The following SNTG1 variants were observed in gnomAD, a reference collection of about 807,000 sequenced individuals.
SNTG1 encodes the protein gamma-1-syntrophin.
A neutral mutation model predicts 74.7 loss-of-function variants in SNTG1; 39 were observed. The observed-to-expected ratio is 0.52, with a 90% CI of 0.40 to 0.68. SNTG1 has a LOEUF of 0.68. Ranked by LOEUF, SNTG1 falls within the 30% of genes least tolerant of loss-of-function variation. The pLI is 0.00. For synonymous variants in SNTG1, 254 were observed against 217.1 expected, an observed-to-expected ratio of 1.17 and a Z score of -1.49; for missense variants, 685 against 609.5, an observed-to-expected ratio of 1.12 and a Z score of -1.30.
chr8:50,660,452 AAGGG>A (rs2095216502), intron 15 of SNTG1, among the ~76,000 whole-genome samples: 3 of 148,602 alleles, frequency 2.0e-5, no homozygotes, highest in Admixed American at 6.7e-5. Context: ...AGAAAAAAGA[AAGGG>A]AGGAAGGGCA....
intron 17 of SNTG1, 80 bp from the exon 18 acceptor site, chr8:50,751,921 C>A: frequency 1.3e-6 from 1 of 792,834 alleles, no homozygotes; most frequent in Non-Finnish European, 2.0e-6. Flanking sequence ...TAACTTTTAC[C>A]ATTTAAAAAA....
At chr8:50,082,889 G>A (rs1822537815) in intron 1 of SNTG1, among the ~76,000 whole-genome samples, 1 of 152,090 alleles carries the variant, frequency 6.6e-6, no homozygotes, top group African/African-American at 2.4e-5. Context: ...TACATCCCGT[G>A]CTACTCCTAC....
At chr8:50,393,212 C>T (rs1408014991) in intron 2 of SNTG1, among the ~76,000 whole-genome samples, 4 of 152,106 alleles carry the variant, frequency 2.6e-5, no homozygotes, top group African/African-American at 7.2e-5. Context: ...TGGCTAATCT[C>T]TTTCTTTCAA....
intron 2 of SNTG1, among the ~76,000 whole-genome samples, chr8:50,341,755 G>A (rs532921181): frequency 3.3e-5 from 5 of 152,116 alleles, no homozygotes; most frequent in African/African-American, 1.2e-4. Flanking sequence ...GTTTGTAGGT[G>A]ACAGTAGTCA....
chr8:50,216,652 G>A (rs569030701), intron 2 of SNTG1, among the ~76,000 whole-genome samples: 43 of 152,184 alleles, frequency 2.8e-4, no homozygotes, highest in Middle Eastern at 3.4e-3. Context: ...CTAGAATATG[G>A]TAATTACAAC....
chr8:50,147,260 C>T (rs980881239), intron 1 of SNTG1, among the ~76,000 whole-genome samples: 9 of 151,952 alleles, frequency 5.9e-5, no homozygotes, highest in East Asian at 1.9e-4. Flanking sequence ...CAGAATGGAA[C>T]GCAGACTGTG....
At chr8:50,733,083 C>T (rs2095516892) in intron 17 of SNTG1, among the ~76,000 whole-genome samples, 1 of 151,758 alleles carries the variant, frequency 6.6e-6, no homozygotes, top group Non-Finnish European at 1.5e-5. Context: ...CAGACAACCC[C>T]CTCCCTACCC....
chr8:50,149,073 T>G (rs1339679233), intron 1 of SNTG1, among the ~76,000 whole-genome samples: 2 of 152,192 alleles, frequency 1.3e-5, no homozygotes, highest in Admixed American at 6.5e-5. Context: ...GTTTCCTGAC[T>G]CTTTATGATC....
At chr8:50,530,483 T>C (rs1034472066) in intron 10 of SNTG1, among the ~76,000 whole-genome samples, 2 of 152,216 alleles carry the variant, frequency 1.3e-5, no homozygotes, top group African/African-American at 4.8e-5. Context: ...CAATAGATAC[T>C]ATTAACTTGG....
chr8:50,706,406 G>C (rs2095443510), intron 16 of SNTG1, among the ~76,000 whole-genome samples: 1 of 152,040 alleles, frequency 6.6e-6, no homozygotes, highest in Non-Finnish European at 1.5e-5. Context: ...TATATTTTTA[G>C]GTTTCTAAAA....
chr8:50,036,021 A>T (rs2130785278), intron 1 of SNTG1, among the ~76,000 whole-genome samples: 1 of 152,318 alleles, frequency 6.6e-6, no homozygotes, highest in African/African-American at 2.4e-5. Flanking sequence ...AAATTAAAAA[A>T]AAATTGGTCT....
At chr8:50,748,867 C>T (rs1156485788) in intron 17 of SNTG1, among the ~76,000 whole-genome samples, 1 of 152,104 alleles carries the variant, frequency 6.6e-6, no homozygotes, top group East Asian at 2.0e-4. Context: ...TCCCACCTCT[C>T]TCCCTGTACT....
rs1168266543 is a variant in SNTG1, at chr8:50,678,908, A to G, written c.1038+20245A>G. Among the ~76,000 whole-genome samples the G allele has an allele frequency of 2.6e-5, 4 of 152,258 alleles. No individual in the cohort carries two copies. In the South Asian group the frequency reaches 8.3e-4, roughly 32 times the overall value. ...TGTTTTCTTTTCCAAGGATATATCT[A>G]AAGATATAGATAAATAAACACATAC... On this transcript the variant is annotated intron_variant, in intron 15 of 18. Coordinates refer to ENST00000642720, the MANE Select transcript of SNTG1 (RefSeq NM_018967.5).
chr8:50,774,331 G>C (rs997860191), intron 18 of SNTG1, among the ~76,000 whole-genome samples: 1 of 151,668 alleles, frequency 6.6e-6, no homozygotes, highest in African/African-American at 2.4e-5. Flanking sequence ...CCAGCAAAAG[G>C]CCAGAGAATC....
chr8:50,287,514 T>G (rs2088851417), intron 2 of SNTG1, among the ~76,000 whole-genome samples: 1 of 137,394 alleles, frequency 7.3e-6, no homozygotes, highest in Non-Finnish European at 1.7e-5. Context: ...AAAGGTGCCC[T>G]GGGGTCAAGC....
intron 1 of SNTG1, among the ~76,000 whole-genome samples, chr8:50,083,276 AT>A (rs1822578273): frequency 6.6e-6 from 1 of 152,144 alleles, no homozygotes; most frequent in African/African-American, 2.4e-5. Flanking sequence ...TTTGCAGTTG[AT>A]TTTTGAGGGG....
chr8:50,689,717 G>A (rs7832042), intron 15 of SNTG1, among the ~76,000 whole-genome samples: 15,789 of 151,964 alleles, frequency 0.1, 2,272 homozygotes, highest in African/African-American at 0.32. Flanking sequence ...CTCTTTTTTC[G>A]TTGTGTCTCT....
chr8:50,572,275 T>TATATATAGAG (rs567247331), intron 12 of SNTG1, among the ~76,000 whole-genome samples: 40 of 148,306 alleles, frequency 2.7e-4, no homozygotes, highest in African/African-American at 8.5e-4. Flanking sequence ...TATATATATA[T>TATATATAGAG]AGAGAGAGAG....
At chr8:50,055,254 A>G (rs1819925912) in intron 1 of SNTG1, among the ~76,000 whole-genome samples, 1 of 152,084 alleles carries the variant, frequency 6.6e-6, no homozygotes, top group South Asian at 2.1e-4. Flanking sequence ...AACCTCCCTT[A>G]AGACTTTATA....
Sources: allele counts gnomAD v4.1 joint callset (sites outside exome capture counted in the v4.1 genomes callset), GRCh38; gene constraint gnomAD v4.1.1; transcripts MANE v1.5; gene names NCBI Gene and HGNC (gene_info 2026-07-23, HGNC 2026-07-21).